Variants in FAM13B observed in about 807,000 individuals in gnomAD.
The protein encoded by FAM13B is protein FAM13B.
In FAM13B, 60 loss-of-function variants were observed where a neutral mutation model predicts 117.3. That is an observed-to-expected ratio of 0.51 (90% CI 0.42 to 0.63). The LOEUF is 0.63. Ranked by LOEUF, FAM13B falls within the 30% of genes least tolerant of loss-of-function variation. The pLI is 0.00. For missense variants in FAM13B, 972 were observed against 1,091.9 expected (o/e 0.89, Z 1.55); for synonymous variants, 332 against 356.1 (o/e 0.93, Z 0.76).
chr5:137,951,233 A>AAAAAAAAAAAAT (rs1457502693), intron 17 of FAM13B, among the ~76,000 whole-genome samples: 1 of 147,026 alleles, frequency 6.8e-6, no homozygotes. Context: ...AAAAAAAAAA[A>AAAAAAAAAAAAT]GGAGAGAGAG....
At chr5:137,957,726 CT>C (rs1463966428) in intron 13 of FAM13B, among the ~76,000 whole-genome samples, 5 of 152,118 alleles carry the variant, frequency 3.3e-5, no homozygotes, top group Non-Finnish European at 7.4e-5. Flanking sequence ...TTGCGGACCC[CT>C]ATTTCTGGAA....
intron 1 of FAM13B, among the ~76,000 whole-genome samples, chr5:138,043,577 C>A (rs1791559106): frequency 6.6e-6 from 1 of 151,446 alleles, no homozygotes; most frequent in South Asian, 2.1e-4. Context: ...GTAGCTGGGA[C>A]TACAGGCGCA....
intron 8 of FAM13B, among the ~76,000 whole-genome samples, 187 bp downstream of exon 8, chr5:137,988,087 C>T (rs1453137829): frequency 6.6e-6 from 1 of 152,138 alleles, no homozygotes; most frequent in African/African-American, 2.4e-5. Flanking sequence ...GAAAGCTCAT[C>T]TTTATTTTGT....
intron 1 of FAM13B, among the ~76,000 whole-genome samples, chr5:138,024,870 T>C (rs955893553): frequency 2.9e-5 from 4 of 137,692 alleles, no homozygotes; most frequent in Admixed American, 7.9e-5. Flanking sequence ...AGTTTGTTTT[T>C]TTTGTTTGTT....
chr5:137,979,850 T>C (rs1581159084), intron 10 of FAM13B, among the ~76,000 whole-genome samples: 2 of 152,068 alleles, frequency 1.3e-5, no homozygotes, highest in East Asian at 3.9e-4. Flanking sequence ...ATGTACAACC[T>C]AGATTATCAA....
intron 20 of FAM13B, 126 bp downstream of exon 20, chr5:137,945,776 C>G (rs769467123): frequency 2.2e-4 from 142 of 634,368 alleles, no homozygotes; most frequent in South Asian, 5.0e-4. Flanking sequence ...TCAGTAATCT[C>G]ACCTTACAGT....
chr5:137,947,874 C>T (rs1241428127), intron 18 of FAM13B, among the ~76,000 whole-genome samples: 8 of 152,082 alleles, frequency 5.3e-5, no homozygotes, highest in African/African-American at 1.4e-4. Context: ...CGTGAGGCAC[C>T]GCGCCTGGCC....
chr5:137,974,773 AT>A (rs2150438137), intron 10 of FAM13B, among the ~76,000 whole-genome samples: 1 of 152,142 alleles, frequency 6.6e-6, no homozygotes, highest in South Asian at 2.1e-4. Flanking sequence ...TCTCCTTACA[AT>A]ATTCTAGCCC....
chr5:137,960,267 A>G, intron 11 of FAM13B, 53 bp from the exon 12 acceptor site: 1 of 1,063,684 alleles, frequency 9.4e-7, no homozygotes. Context: ...GGCTACTATC[A>G]TTATATATTT....
chr5:137,996,474 T>C (rs1458996642), intron 7 of FAM13B, among the ~76,000 whole-genome samples: 1 of 152,018 alleles, frequency 6.6e-6, no homozygotes, highest in African/African-American at 2.4e-5. Flanking sequence ...CCATGGCTCT[T>C]CCTAAATCAC....
Position 137,953,455 on chromosome 5 carries a change from A to T in FAM13B, c.1729T>A (p.Ser577Thr). ...TTTTCATCTTTTGAACTAAAGGATG[A>T]TCTTCGAATTCTGAATTAAAACAAA... ...KALSFTRIRR[S>T]SFSSKDEKRE... The change falls in exon 16 of 24, where the codon TCA (serine) becomes ACA (threonine). Residue 577 changes from serine to threonine, a missense_variant. Physicochemically the swap from Ser to Thr is moderately conservative, Grantham distance 58 (BLOSUM62 1). Transcript: ENST00000689681. 6.2e-7 allele frequency: 1 copy of T among 1,613,700 alleles called. No individual in the cohort carries two copies. The highest frequency in any genetic ancestry group is 8.5e-7 in the Non-Finnish European group (1 of 1,179,894).
At chr5:137,972,562 C>A (rs1457347292) in intron 10 of FAM13B, among the ~76,000 whole-genome samples, 1 of 151,884 alleles carries the variant, frequency 6.6e-6, no homozygotes, top group East Asian at 1.9e-4. Flanking sequence ...GACAGGGATG[C>A]CCTCTCTCAC....
intron 4 of FAM13B, among the ~76,000 whole-genome samples, chr5:138,016,206 T>A (rs1182148728): frequency 6.6e-6 from 1 of 152,160 alleles, no homozygotes; most frequent in Non-Finnish European, 1.5e-5. Context: ...TGCGCAATTT[T>A]TGAAAGAAAA....
intron 10 of FAM13B, among the ~76,000 whole-genome samples, chr5:137,977,890 A>T (rs946001974): frequency 4.6e-5 from 7 of 152,230 alleles, no homozygotes; most frequent in Admixed American, 4.6e-4. Flanking sequence ...AAACATAAAT[A>T]TAAGGACATA....
chr5:138,040,036 G>GCGGGCCGATCAC (rs1208289702), intron 1 of FAM13B: 1 of 151,664 alleles, frequency 6.6e-6, no homozygotes. Context: ...GGAGGCCGAG[G>GCGGGCCGATCAC]AAGGCGGATC....
At chr5:137,970,840 A>G (rs1771887317) in intron 10 of FAM13B, among the ~76,000 whole-genome samples, 1 of 152,102 alleles carries the variant, frequency 6.6e-6, no homozygotes, top group East Asian at 1.9e-4. Context: ...ACTTTAAACC[A>G]ACAAAGATCA....
Position 138,032,855 on chromosome 5 carries a change from G to A in FAM13B, c.-276C>T. ...ACCCGCGGCGACGGCAAGAGGGCGA[G>A]AACTGAGGCCCCAAGTGGCTCCGCG... On this transcript the variant is annotated 5_prime_UTR_variant, in exon 1 of 24. Transcript: ENST00000689681. 1 of 985,792 alleles carries A rather than the reference G, an allele frequency of 1.0e-6. No individual in the cohort carries two copies. Among genetic ancestry groups the A allele is most frequent in the Middle Eastern group, 5.2e-4 (1 of 1,914 alleles). 61.1% of individuals were successfully genotyped at this position (985,792 alleles called of 1,614,324 possible).
chr5:138,006,822 G>A (rs1228604847), intron 7 of FAM13B, among the ~76,000 whole-genome samples, 168 bp downstream of exon 7: 1 of 152,194 alleles, frequency 6.6e-6, no homozygotes, highest in Non-Finnish European at 1.5e-5. Context: ...ACTAATAACT[G>A]AAAATTCCTT....
At chr5:137,979,926 C>T (rs961777001) in intron 10 of FAM13B, among the ~76,000 whole-genome samples, 1 of 150,212 alleles carries the variant, frequency 6.7e-6, no homozygotes, top group Non-Finnish European at 1.5e-5. Context: ...CTTTGGGAGG[C>T]CAAGGCGCGA....
Sources: allele counts gnomAD v4.1 joint callset (sites outside exome capture counted in the v4.1 genomes callset), GRCh38; gene constraint gnomAD v4.1.1; transcripts MANE v1.5; gene names NCBI Gene and HGNC (gene_info 2026-07-23, HGNC 2026-07-21).